Variants in WDR64 observed in about 807,000 individuals in gnomAD.
The protein encoded by WDR64 is WD repeat-containing protein 64.
WDR64 carries 112 observed loss-of-function variants against 139.3 expected under a neutral mutation model. The observed-to-expected ratio is 0.80, with a 90% CI of 0.69 to 0.94. The LOEUF (loss-of-function observed/expected upper bound fraction) is 0.94, where lower values mean the gene tolerates loss of function less well. Among genes scored for constraint, WDR64 ranks in the 40% least tolerant of loss-of-function variants. The pLI is 0.00. For synonymous variants in WDR64, 444 were observed against 437.7 expected, an observed-to-expected ratio of 1.01 and a Z score of -0.18; for missense variants, 1,206 against 1,293.1, an observed-to-expected ratio of 0.93 and a Z score of 1.03.
In WDR64 at chr1:241,652,580, A is replaced by T. The variant is rs759946093; in HGVS notation, c.96A>T (p.Thr32=). 7 of 1,551,858 alleles carry T rather than the reference A, an allele frequency of 4.5e-6. No homozygotes were observed. In the South Asian group the frequency reaches 8.3e-5, roughly 18 times the overall value. Residue 32 remains threonine, a synonymous_variant, in exon 1 of 28, where the codon ACA becomes ACT. Coordinates refer to ENST00000437684, the MANE Select transcript of WDR64 (RefSeq NM_001367482.1). ...GGTTTGAAAAATTGGTTGAACAAAC[A>T]GCAGCCCAGAAAAGAGATGAAAGAG... ...LNRFEKLVEQ[T]AAQKRDERAG...
At chr1:241,663,370 T>C (rs1045031538) in intron 2 of WDR64, among the ~76,000 whole-genome samples, 1 of 152,208 alleles carries the variant, frequency 6.6e-6, no homozygotes, top group African/African-American at 2.4e-5. Flanking sequence ...TGTGCTCACA[T>C]ATGGGCACCC....
chr1:241,694,044 T>C (rs1369704303), intron 8 of WDR64, among the ~76,000 whole-genome samples: 6 of 152,122 alleles, frequency 3.9e-5, no homozygotes, highest in South Asian at 2.1e-4. Context: ...GTGAGTAGCC[T>C]GTCCCCCTAA....
chr1:241,702,531 AAAAG>A, intron 8 of WDR64, among the ~76,000 whole-genome samples: 1 of 152,212 alleles, frequency 6.6e-6, no homozygotes, highest in East Asian at 1.9e-4. Context: ...GAAAAAAAAA[AAAAG>A]AAAGAACTTG....
At position 241,791,421 on chromosome 1, in the gene WDR64, C is replaced by T. The variant is rs528989385; in HGVS notation, c.2997+725C>T. ...GGCACAGTGGCCTGTAAACCCATCA[C>T]ATTGGGAGATCAAGGTGGAAAGATC... is the stretch of plus-strand genomic sequence containing the variant. On this transcript the variant is annotated intron_variant, in intron 25 of 27. Coordinates refer to ENST00000437684, the MANE Select transcript of WDR64 (RefSeq NM_001367482.1). Among the ~76,000 whole-genome samples, 28 of 152,294 alleles carry T rather than the reference C, an allele frequency of 1.8e-4. No individual in the cohort carries two copies. The South Asian group carries it at 5.8e-3, about 32-fold the overall frequency.
In WDR64 at chr1:241,779,395, G is replaced by A. The variant is rs538482445; in HGVS notation, c.2537-609G>A. ...GTAACTATCATTTAAATTGTAGGCT[G>A]AGTATCTCTGTAAGAGTTTGGACTC... On this transcript the variant is annotated intron_variant, in intron 21 of 27. Coordinates refer to ENST00000437684, the MANE Select transcript of WDR64 (RefSeq NM_001367482.1). 2.0e-4 allele frequency among the ~76,000 whole-genome samples: 30 copies of A among 152,300 alleles called. No homozygotes were observed. In the East Asian group the frequency reaches 4.4e-3, roughly 23 times the overall value.
intron 8 of WDR64, among the ~76,000 whole-genome samples, chr1:241,690,051 A>C (rs66746145): frequency 0.065 from 9,949 of 152,278 alleles, 468 homozygotes; most frequent in East Asian, 0.21. Flanking sequence ...ATGACTAAGA[A>C]TGTCCACAAA....
intron 9 of WDR64, among the ~76,000 whole-genome samples, chr1:241,713,497 G>A (rs1200519447): frequency 1.8e-5 from 2 of 109,054 alleles, no homozygotes; most frequent in Non-Finnish European, 3.6e-5. Flanking sequence ...AAGAAGGAAC[G>A]GAAAGAAAAA....
At chr1:241,716,317 T>G (rs1574036672) in intron 9 of WDR64, among the ~76,000 whole-genome samples, 1 of 147,020 alleles carries the variant, frequency 6.8e-6, no homozygotes, top group Non-Finnish European at 1.5e-5. Flanking sequence ...CAGGACAGAG[T>G]GTTTACCAAG....
chr1:241,660,408 T>C (rs1019618001), intron 1 of WDR64, 122 bp from the exon 2 acceptor site: 2 of 1,260,936 alleles, frequency 1.6e-6, no homozygotes, highest in African/African-American at 3.0e-5. Flanking sequence ...AAAATGCAAA[T>C]ATATCTGGTT....
chr1:241,715,459 T>C (rs1244996848), intron 9 of WDR64, among the ~76,000 whole-genome samples: 1 of 152,140 alleles, frequency 6.6e-6, no homozygotes, highest in African/African-American at 2.4e-5. Flanking sequence ...AGAAGGAGGA[T>C]GCAAGAGATG....
chr1:241,683,397 C>A (rs879477044), intron 6 of WDR64, 90 bp from the exon 7 acceptor site: 1 of 1,275,430 alleles, frequency 7.8e-7, no homozygotes, highest in Non-Finnish European at 1.1e-6. Context: ...TAAGAAACAG[C>A]GGAAAGTGAA....
chr1:241,751,533 A>AT lies in WDR64; in HGVS notation c.1770+1812dup, dbSNP rs1669982597. ...CAAAAAGCCAAAACCTGCTTCAGTG[A>AT]TCACATTCAGTTATTCAGGAAACAT... On this transcript the variant is annotated intron_variant, in intron 14 of 27. Coordinates refer to ENST00000437684, the MANE Select transcript of WDR64 (RefSeq NM_001367482.1). Among the ~76,000 whole-genome samples, 13 of 152,356 alleles carry AT rather than the reference A, an allele frequency of 8.5e-5. No homozygotes were observed. In the South Asian group the frequency reaches 2.7e-3, roughly 32 times the overall value.
At chr1:241,742,814 C>T (rs954169738) in intron 12 of WDR64, among the ~76,000 whole-genome samples, 2 of 152,186 alleles carry the variant, frequency 1.3e-5, no homozygotes, top group Non-Finnish European at 2.9e-5. Flanking sequence ...TCCCATAACA[C>T]GGCCATCACA....
chr1:241,671,263 T>C, intron 3 of WDR64, 87 bp downstream of exon 3: 1 of 955,882 alleles, frequency 1.0e-6, no homozygotes. Context: ...ATAGAATCAC[T>C]TTTCATTTTA....
At chr1:241,692,467 C>A (rs1355017936) in intron 8 of WDR64, among the ~76,000 whole-genome samples, 1 of 151,982 alleles carries the variant, frequency 6.6e-6, no homozygotes, top group Non-Finnish European at 1.5e-5. Flanking sequence ...AGAAATAGAC[C>A]CACATAAATA....
chr1:241,677,983 A>G (rs895345689), intron 4 of WDR64, among the ~76,000 whole-genome samples: 1 of 152,234 alleles, frequency 6.6e-6, no homozygotes, highest in African/African-American at 2.4e-5. Context: ...TGAGCCACAG[A>G]GGTATAAGCC....
At chr1:241,791,591 G>A (rs1244029374) in intron 25 of WDR64, among the ~76,000 whole-genome samples, 1 of 152,004 alleles carries the variant, frequency 6.6e-6, no homozygotes, top group Non-Finnish European at 1.5e-5. Context: ...AGGACCCCTT[G>A]AGCCCAGGAA....
In WDR64 at chr1:241,802,426, A is replaced by C. The variant is rs769184114; in HGVS notation, c.*1211A>C. Among the ~76,000 whole-genome samples the C allele has an allele frequency of 2.0e-5, 3 of 152,160 alleles. No homozygotes were observed. Among genetic ancestry groups the C allele is most frequent in the Non-Finnish European group, 4.4e-5 (3 of 68,000 alleles). On this transcript the variant is annotated 3_prime_UTR_variant, in exon 28 of 28. Coordinates refer to ENST00000437684, the MANE Select transcript of WDR64 (RefSeq NM_001367482.1). The stretch of plus-strand genomic sequence containing the variant: ...TCACAGAGAGATTTAGAGATTTAGA[A>C]GGGGTATGAAAGAACTTTCTGGGGT...
intron 9 of WDR64, among the ~76,000 whole-genome samples, chr1:241,713,321 G>GAGGA (rs538980494): frequency 9.4e-6 from 1 of 106,928 alleles, no homozygotes; most frequent in Non-Finnish European, 1.9e-5. Flanking sequence ...AAAAAGAAAG[G>GAGGA]ACGAAGGAAG....
Sources: gnomAD v4.1 joint callset for allele counts (sites outside exome capture counted in the v4.1 genomes callset) on GRCh38, gnomAD v4.1.1 for gene constraint, MANE v1.5 for transcripts, NCBI Gene and HGNC (gene_info 2026-07-23, HGNC 2026-07-21) for gene names.